Variants in DNAJC13 observed in about 807,000 individuals in gnomAD.
DNAJC13 encodes DnaJ heat shock protein family (Hsp40) member C13.
Under a neutral mutation model 290.5 loss-of-function variants are expected in DNAJC13, and 75 were observed. The ratio of observed to expected loss-of-function variants is 0.26; its 90% CI spans 0.21 to 0.31. DNAJC13 has a LOEUF of 0.31. DNAJC13 is among the 10% of genes least tolerant of loss of function. The pLI is 1.00. For missense variants in DNAJC13, 2,260 were observed against 2,674.5 expected (o/e 0.85, Z 3.42); for synonymous variants, 862 against 892.0 (o/e 0.97, Z 0.60).
intron 30 of DNAJC13, 56 bp downstream of exon 30, chr3:132,488,508 GATTTA>G (rs1934959455): frequency 6.2e-6 from 9 of 1,453,188 alleles, no homozygotes; most frequent in South Asian, 1.5e-5. Flanking sequence ...TATATGGACT[GATTTA>G]ATTGAATTAT....
chr3:132,478,191 G>A, intron 24 of DNAJC13, 51 bp downstream of exon 24: 1 of 1,468,046 alleles, frequency 6.8e-7, no homozygotes, highest in South Asian at 1.4e-5. Context: ...ACTAGGGTAT[G>A]TGTTAAATTT....
intron 1 of DNAJC13, among the ~76,000 whole-genome samples, chr3:132,422,218 G>C (rs1002594798): frequency 6.6e-6 from 1 of 151,070 alleles, no homozygotes; most frequent in Non-Finnish European, 1.5e-5. Context: ...ATTATTTTTA[G>C]TAGAGACGAG....
chr3:132,459,458 A>T (rs1175990856), intron 13 of DNAJC13, among the ~76,000 whole-genome samples: 1 of 152,178 alleles, frequency 6.6e-6, no homozygotes, highest in South Asian at 2.1e-4. Context: ...ATGATTACAG[A>T]GTTTCAGTTT....
At position 132,453,632 on chromosome 3, in the gene DNAJC13, A is replaced by G; in HGVS notation, c.778A>G (p.Thr260Ala). ...PVKRVLALTE[T>A]CLVERDPATY... ...TAAAAGAGTTCTAGCACTTACAGAA[A>G]CATGTTTAGTAGAACGTGATCCGGC... Residue 260 changes from threonine (T) to alanine (A), a missense_variant, in exon 8 of 56, where the codon ACA becomes GCA. Thr to Ala is a moderately conservative substitution (Grantham distance 58). Transcript: ENST00000260818. 6.2e-7 allele frequency: 1 copy of G among 1,613,512 alleles called. No homozygotes were observed. The highest frequency in any genetic ancestry group is 8.5e-7 in the Non-Finnish European group (1 of 1,179,826).
intron 4 of DNAJC13, 27 bp downstream of exon 4, chr3:132,447,497 A>G (rs1288128313): frequency 6.5e-7 from 1 of 1,529,246 alleles, no homozygotes; most frequent in South Asian, 1.3e-5. Flanking sequence ...TTCATAAATA[A>G]AATTTCTTTC....
At position 132,447,318 on chromosome 3, in the gene DNAJC13, A is replaced by G. The variant is rs1403556167; in HGVS notation, c.145-3A>G. On this transcript the variant is annotated splice_region_variant and splice_polypyrimidine_tract_variant and intron_variant, in intron 3 of 55. Coordinates refer to ENST00000260818, the MANE Select transcript of DNAJC13 (RefSeq NM_015268.4). The stretch of plus-strand genomic sequence containing the variant: ...CACCAGTCAAAATTTTTTTTTTTTT[A>G]AGTGGCCTTATGGAGACATTTGCAG... 4 of 1,538,504 alleles carry G rather than the reference A, an allele frequency of 2.6e-6. No homozygotes were observed. In the African/African-American group the frequency reaches 5.7e-5, roughly 22 times the overall value.
At chr3:132,418,440 G>T (rs1938862697) in intron 1 of DNAJC13, among the ~76,000 whole-genome samples, 1 of 152,146 alleles carries the variant, frequency 6.6e-6, no homozygotes, top group African/African-American at 2.4e-5. Flanking sequence ...ATGTTTAAGA[G>T]TGCCTTCCCT....
intron 51 of DNAJC13, among the ~76,000 whole-genome samples, chr3:132,524,350 G>T (rs1396930982): frequency 6.6e-6 from 1 of 152,176 alleles, no homozygotes; most frequent in Non-Finnish European, 1.5e-5. Flanking sequence ...AAACAGGCTG[G>T]CTACAGAATA....
chr3:132,482,134 C>A, intron 26 of DNAJC13, 92 bp from the exon 27 acceptor site: 1 of 941,632 alleles, frequency 1.1e-6, no homozygotes, highest in Non-Finnish European at 1.6e-6. Context: ...GATATAAACC[C>A]CTCCAAAGTA....
At chr3:132,433,101 T>A (rs977203082) in intron 1 of DNAJC13, among the ~76,000 whole-genome samples, 1 of 152,230 alleles carries the variant, frequency 6.6e-6, no homozygotes, top group African/African-American at 2.4e-5. Context: ...GCAATCTTGT[T>A]TAAATAAGGA....
At position 132,482,349 on chromosome 3, in the gene DNAJC13, C is replaced by T. The variant is rs1238158414; in HGVS notation, c.2979+19C>T. On this transcript the variant is annotated intron_variant, in intron 27 of 55. Transcript: ENST00000260818. ...TCATGAGGTATGTATCTTGGAGATA[C>T]TTTTGGTGAAGGTCTCAGCATTTCT... The T allele has an allele frequency of 6.3e-7, 1 of 1,599,938 alleles. No homozygotes were observed. The highest frequency in any genetic ancestry group is 8.6e-7 in the Non-Finnish European group (1 of 1,168,990).
rs919841067 is a variant in DNAJC13, at chr3:132,433,464, A to T, written c.-13-1074A>T. Among the ~76,000 whole-genome samples, 4 of 151,972 alleles carry T rather than the reference A, an allele frequency of 2.6e-5. No individual in the cohort carries two copies. The East Asian group carries it at 7.7e-4, about 29-fold the overall frequency. ...CCTGTTAACTTTTATTTTTTGAGAG[A>T]GAACGTCTCACTATGTTGTCTAGGC... On this transcript the variant is annotated intron_variant, in intron 1 of 55. Coordinates refer to ENST00000260818, the MANE Select transcript of DNAJC13 (RefSeq NM_015268.4).
At chr3:132,471,300 C>T (rs1325613893) in intron 20 of DNAJC13, among the ~76,000 whole-genome samples, 15 of 145,390 alleles carry the variant, frequency 1.0e-4, no homozygotes, top group African/African-American at 3.8e-4. Flanking sequence ...GGGGCTGACC[C>T]CCCACCTCCC....
Position 132,479,245 on chromosome 3 carries a change from C to A in DNAJC13, c.2728C>A (p.Arg910=), listed in dbSNP as rs201873458. 7.0e-5 allele frequency: 112 copies of A among 1,607,424 alleles called. No homozygotes were observed. Among genetic ancestry groups the A allele is most frequent in the Non-Finnish European group, 1.4e-5 (17 of 1,174,836 alleles). ...TCAATAGTGCACAGATAAACTTGAA[C>A]GAGATAGGTTGATTCTCTTCCTTAA... ...MLERCTDKLE[R]DRLILFLNKL... Residue 910 remains arginine, a synonymous_variant, in exon 25 of 56, where the codon CGA becomes AGA. Coordinates refer to ENST00000260818, the MANE Select transcript of DNAJC13 (RefSeq NM_015268.4).
chr3:132,438,799 G>A (rs1355441092), intron 2 of DNAJC13, among the ~76,000 whole-genome samples: 1 of 152,196 alleles, frequency 6.6e-6, no homozygotes, highest in Non-Finnish European at 1.5e-5. Flanking sequence ...AGCTGGCAAA[G>A]TAGCTTCTTC....
chr3:132,420,865 T>C (rs1335109667), intron 1 of DNAJC13, among the ~76,000 whole-genome samples: 2 of 152,206 alleles, frequency 1.3e-5, no homozygotes, highest in Middle Eastern at 6.8e-3. Flanking sequence ...TACCTCAATC[T>C]CTACTCCTAC....
At chr3:132,442,191 C>T (rs1257788258) in intron 2 of DNAJC13, among the ~76,000 whole-genome samples, 1 of 150,706 alleles carries the variant, frequency 6.6e-6, no homozygotes, top group Non-Finnish European at 1.5e-5. Context: ...TCTTTTTCAA[C>T]ATGGGGTCTG....
rs974152293 is a variant in DNAJC13 at position 132,538,951 on chromosome 3, A to G, written c.*669A>G. On this transcript the variant is annotated 3_prime_UTR_variant, in exon 56 of 56. Transcript: ENST00000260818. ...CTATCAAATATATAAAGCTTTCTAT[A>G]TTGAATGTACATTATACAGATCATT... 1 of 152,674 alleles carries G rather than the reference A, an allele frequency of 6.5e-6. No individual in the cohort carries two copies. Among genetic ancestry groups the G allele is most frequent in the African/African-American group, 2.4e-5 (1 of 41,478 alleles). 9.5% of individuals were successfully genotyped at this position (152,674 alleles called of 1,614,324 possible). A position where few individuals can be genotyped will look rare whatever the true frequency, so the allele number is the denominator to read the frequency against.
chr3:132,435,462 A>G (rs1199754409), intron 2 of DNAJC13, among the ~76,000 whole-genome samples: 1 of 152,186 alleles, frequency 6.6e-6, no homozygotes, highest in African/African-American at 2.4e-5. Context: ...CTGGAGTGGT[A>G]ACTTCTTAGG....
Sources: allele counts gnomAD v4.1 joint callset (sites outside exome capture counted in the v4.1 genomes callset), GRCh38; gene constraint gnomAD v4.1.1; transcripts MANE v1.5; gene names NCBI Gene and HGNC (gene_info 2026-07-23, HGNC 2026-07-21).